Variants in PPP1R10 observed in about 807,000 individuals in gnomAD.
PPP1R10 encodes serine/threonine-protein phosphatase 1 regulatory subunit 10.
Under a neutral mutation model 99.0 loss-of-function variants are expected in PPP1R10, and 15 were observed. That is an observed-to-expected ratio of 0.15 (90% CI 0.10 to 0.23). The LOEUF (loss-of-function observed/expected upper bound fraction) is 0.23. Among genes scored for constraint, PPP1R10 ranks in the 10% least tolerant of loss-of-function variants. PPP1R10 has a pLI of 1.00. For missense variants in PPP1R10, 947 were observed against 1,259.4 expected (o/e 0.75, Z 3.75); for synonymous variants, 430 against 449.5 (o/e 0.96, Z 0.55).
At chr6:30,615,834 C>T (rs574348461) in intron 2 of PPP1R10, among the ~76,000 whole-genome samples, 1 of 152,240 alleles carries the variant, frequency 6.6e-6, no homozygotes, top group Non-Finnish European at 1.5e-5. Flanking sequence ...ATATTTTGTC[C>T]TAAGTGTCTT....
At position 30,601,519 on chromosome 6, in the gene PPP1R10, G is replaced by C. The variant is rs200755736; in HGVS notation, c.*30C>G. 3.8e-6 allele frequency: 6 copies of C among 1,571,162 alleles called. No homozygotes were observed. Among genetic ancestry groups the C allele is most frequent in the East Asian group, 2.2e-5 (1 of 44,636 alleles). ...AAAGAGCGAGGCTGCAGTCCACAGG[G>C]GTTGTGTGAACAGGGCAGGCAAATG... On this transcript the variant is annotated 3_prime_UTR_variant, in exon 20 of 20. Transcript: ENST00000376511.
chr6:30,611,320 A>C (rs1804529858), intron 2 of PPP1R10, among the ~76,000 whole-genome samples: 1 of 152,132 alleles, frequency 6.6e-6, no homozygotes, highest in African/African-American at 2.4e-5. Flanking sequence ...AAAAACAAAC[A>C]AACAAAAAAC....
Position 30,606,436 on chromosome 6 carries a change from T to A in PPP1R10, c.634+32A>T, listed in dbSNP as rs1803955584. Reference sequence around the variant, plus strand: ...AAGGCTCTGGGTGTGCACATGCCCATGAACCCTCCAGAGGCCAGCCGCCAG... The same window carrying A: ...AAGGCTCTGGGTGTGCACATGCCCAAGAACCCTCCAGAGGCCAGCCGCCAG... On this transcript the variant is annotated intron_variant, in intron 8 of 19. Coordinates refer to ENST00000376511, the MANE Select transcript of PPP1R10 (RefSeq NM_002714.4). The surrounding 1 kb of genome is among the most constrained non-coding windows in gnomAD (Gnocchi z 6.3). 4 of 1,610,478 alleles carry A rather than the reference T, an allele frequency of 2.5e-6. No individual in the cohort carries two copies. Among genetic ancestry groups the A allele is most frequent in the Non-Finnish European group, 3.4e-6 (4 of 1,178,764 alleles).
rs544545221 is a variant in PPP1R10 at position 30,603,019 on chromosome 6, C to A, written c.1844-60G>T. The A allele has an allele frequency of 3.5e-6, 5 of 1,445,500 alleles. No individual in the cohort carries two copies. The African/African-American group carries it at 5.7e-5, about 16-fold the overall frequency. The allele number at this position is 1,445,500 out of a possible 1,614,324, so 89.5% of individuals were successfully genotyped here. A position where few individuals can be genotyped will look rare whatever the true frequency, so the allele number is the denominator to read the frequency against. ...ACTCTAGAAGACTAGCATGATCTCC[C>A]ATTTAGGTGCAACCAACTGACCCTC... On this transcript the variant is annotated intron_variant, in intron 17 of 19. Transcript: ENST00000376511.
At chr6:30,615,362 A>C (rs942784434) in intron 2 of PPP1R10, among the ~76,000 whole-genome samples, 19 of 152,246 alleles carry the variant, frequency 1.2e-4, no homozygotes, top group Non-Finnish European at 2.6e-4. Context: ...GCAGGGAAGA[A>C]CTGAATTTGC....
Position 30,609,691 on chromosome 6 carries a change from T to A in PPP1R10, c.107+147A>T. The A allele has an allele frequency of 1.4e-6, 1 of 700,002 alleles. No individual in the cohort carries two copies. Among genetic ancestry groups the A allele is most frequent in the Non-Finnish European group, 2.4e-6 (1 of 409,974 alleles). 43.4% of individuals were successfully genotyped at this position (700,002 alleles called of 1,614,324 possible). Reference sequence around the variant, plus strand: ...AGTGATCATCTTTTCCTATCCCTTATCCTAAAATTGTTACATTTTAATCCT... The same window carrying A: ...AGTGATCATCTTTTCCTATCCCTTAACCTAAAATTGTTACATTTTAATCCT... On this transcript the variant is annotated intron_variant, in intron 3 of 19. Transcript: ENST00000376511. This position sits in a 1 kb window ranked among gnomAD's most constrained non-coding sequence, Gnocchi z 4.5.
chr6:30,608,312 T>C (rs1804175232), intron 5 of PPP1R10, among the ~76,000 whole-genome samples: 1 of 150,488 alleles, frequency 6.6e-6, no homozygotes, highest in Non-Finnish European at 1.5e-5. Context: ...TTTTTTTTTT[T>C]TTTTTTTGAG....
rs1804387057 is a variant in PPP1R10 at position 30,609,969 on chromosome 6, A to T, written c.-11-14T>A. ...TGATGGTGGTTTCTATGGTAAGAGGACAAAACAAACAAACCCACAGAATAA... is the reference window on the plus strand; with the variant it reads ...TGATGGTGGTTTCTATGGTAAGAGGTCAAAACAAACAAACCCACAGAATAA... On this transcript the variant is annotated splice_polypyrimidine_tract_variant and intron_variant, in intron 2 of 19. Coordinates refer to ENST00000376511, the MANE Select transcript of PPP1R10 (RefSeq NM_002714.4). This position sits in a 1 kb window ranked among gnomAD's most constrained non-coding sequence, Gnocchi z 4.5. 6.4e-7 allele frequency: 1 copy of T among 1,558,286 alleles called. No homozygotes were observed. Among genetic ancestry groups the T allele is most frequent in the Non-Finnish European group, 8.9e-7 (1 of 1,129,196 alleles).
Position 30,609,888 on chromosome 6 carries a change from A to T in PPP1R10, c.57T>A (p.Leu19=), listed in dbSNP as rs200405189. ...KELLKGLDSF[L]NRDGEVKSVD... is the part of the protein sequence containing the mutation. Reference sequence around the variant, plus strand: ...CACTTTTGACTTCCCCATCTCGGTTAAGGAAGCTGTCCAGGCCCTTGAGAA... The same window carrying T: ...CACTTTTGACTTCCCCATCTCGGTTTAGGAAGCTGTCCAGGCCCTTGAGAA... Residue 19 remains leucine, a synonymous_variant, in exon 3 of 20, where the codon CTT becomes CTA. Transcript: ENST00000376511. The surrounding 1 kb of genome is among the most constrained non-coding windows in gnomAD (Gnocchi z 4.5). The T allele has an allele frequency of 9.0e-5, 146 of 1,614,162 alleles. No individual in the cohort carries two copies. The highest frequency in any genetic ancestry group is 1.2e-4 in the Non-Finnish European group (143 of 1,180,028).
At position 30,616,753 on chromosome 6, in the gene PPP1R10, G is replaced by T. The variant is rs977095570; in HGVS notation, c.-287C>A. On this transcript the variant is annotated 5_prime_UTR_variant, in exon 2 of 20. Transcript: ENST00000376511. ...AATTTGGGTGGTTTGGGAAGGGAGG[G>T]TGGTTGATTATTTTTGAAGTTATGT... 6.6e-6 allele frequency: 1 copy of T among 152,164 alleles called. No homozygotes were observed. Among genetic ancestry groups the T allele is most frequent in the Admixed American group, 6.5e-5 (1 of 15,276 alleles). 9.4% of individuals were successfully genotyped at this position (152,164 alleles called of 1,614,324 possible). A position where few individuals can be genotyped will look rare whatever the true frequency, so the allele number is the denominator to read the frequency against.
At chr6:30,610,498 T>C (rs1804451344) in intron 2 of PPP1R10, among the ~76,000 whole-genome samples, 1 of 152,208 alleles carries the variant, frequency 6.6e-6, no homozygotes, top group Non-Finnish European at 1.5e-5. Context: ...TGGCAAGATA[T>C]GTATCAGCTG....
chr6:30,602,774 A>G lies in PPP1R10; in HGVS notation c.1957+72T>C, dbSNP rs967302531. 6.4e-7 allele frequency: 1 copy of G among 1,552,916 alleles called. No individual in the cohort carries two copies. Among genetic ancestry groups the G allele is most frequent in the Admixed American group, 1.9e-5 (1 of 51,538 alleles). The stretch of plus-strand genomic sequence containing the variant: ...CCTAAACCACCACCTCCCACCTTCC[A>G]GTCAATCCTATACTATTATCAGACT... On this transcript the variant is annotated intron_variant, in intron 18 of 19. Coordinates refer to ENST00000376511, the MANE Select transcript of PPP1R10 (RefSeq NM_002714.4). This position sits in a 1 kb window ranked among gnomAD's most constrained non-coding sequence, Gnocchi z 6.7.
intron 2 of PPP1R10, among the ~76,000 whole-genome samples, chr6:30,612,640 T>C (rs1398112579): frequency 6.6e-6 from 1 of 152,200 alleles, no homozygotes; most frequent in Non-Finnish European, 1.5e-5. Flanking sequence ...GTAAGTGGGT[T>C]TTCTCATGAT....
chr6:30,603,471 C>T lies in PPP1R10; in HGVS notation c.1767+1G>A. On this transcript the variant is annotated splice_donor_variant, in intron 16 of 19. Transcript: ENST00000376511. LOFTEE classifies it high-confidence loss of function. ...TGGAAAAGGGGAAGGAGGGTGCGTACCATGATGGAGGTGAGGATCTCTTGG... is the reference window on the plus strand; with the variant it reads ...TGGAAAAGGGGAAGGAGGGTGCGTATCATGATGGAGGTGAGGATCTCTTGG... 2 of 1,608,488 alleles carry T rather than the reference C, an allele frequency of 1.2e-6. No homozygotes were observed. The highest frequency in any genetic ancestry group is 1.7e-6 in the Non-Finnish European group (2 of 1,177,070).
chr6:30,607,857 T>C lies in PPP1R10; in HGVS notation c.365A>G (p.Lys122Arg). The C allele has an allele frequency of 6.2e-7, 1 of 1,613,098 alleles. No homozygotes were observed. Among genetic ancestry groups the C allele is most frequent in the Non-Finnish European group, 8.5e-7 (1 of 1,180,024 alleles). ...NTAKLVKQLS[K>R]SSEDEELRKL... ...CACCCTACCTTCATCCTCACTTGAC[T>C]TGCTCAGCTGCTTCACCAGTTTAGC... Residue 122 changes from lysine (K) to arginine (R), a missense_variant, in exon 6 of 20, where the codon AAG becomes AGG. By Grantham distance (26) the Lys-to-Arg change is conservative (BLOSUM62 2). Coordinates refer to ENST00000376511, the MANE Select transcript of PPP1R10 (RefSeq NM_002714.4).
In PPP1R10 at chr6:30,604,359, C is replaced by G; in HGVS notation, c.1255G>C (p.Glu419Gln). The G allele has an allele frequency of 6.2e-7, 1 of 1,614,184 alleles. No homozygotes were observed. ...GTAGGAAATGACCTCTTACCTCGTT[C>G]AGTTTCATCCAATTCAAAATAGAAA... Reference protein sequence around the residue: ...EYFYFELDETERVNVNKIKDF... With the variant: ...EYFYFELDETQRVNVNKIKDF... Residue 419 changes from glutamate (E) to glutamine (Q), a missense_variant, in exon 13 of 20, where the codon GAA becomes CAA. Physicochemically the swap from Glu to Gln is conservative, Grantham distance 29 (BLOSUM62 2). Around this residue, in one of 10 missense-constraint regions of PPP1R10, gnomAD observed 12 missense variants for 54.7 expected, o/e 0.22. Transcript: ENST00000376511. This position sits in a 1 kb window ranked among gnomAD's most constrained non-coding sequence, Gnocchi z 7.3.
chr6:30,606,268 C>A lies in PPP1R10; in HGVS notation c.635-25G>T. 1 of 1,609,906 alleles carries A rather than the reference C, an allele frequency of 6.2e-7. No homozygotes were observed. The highest frequency in any genetic ancestry group is 1.1e-5 in the South Asian group (1 of 90,976). ...CCTGGGGAAAGAAGCACGGTGTGGG[C>A]AGCTGAACTCAAACCCCAGACCCCC... is the stretch of plus-strand genomic sequence containing the variant. On this transcript the variant is annotated intron_variant, in intron 8 of 19. Transcript: ENST00000376511. The surrounding 1 kb of genome is among the most constrained non-coding windows in gnomAD (Gnocchi z 6.3).
At chr6:30,603,930 C>T (rs1003886033) in intron 14 of PPP1R10, 78 bp downstream of exon 14, 6 of 1,522,562 alleles carry the variant, frequency 3.9e-6, no homozygotes, top group Admixed American at 2.2e-5. Context: ...ACCTCCACCC[C>T]GTAATTACCC....
At position 30,601,577 on chromosome 6, in the gene PPP1R10, G is replaced by A. The variant is rs1803319276; in HGVS notation, c.2795C>T (p.Pro932Leu). The A allele has an allele frequency of 1.2e-6, 2 of 1,613,996 alleles. No individual in the cohort carries two copies. The highest frequency in any genetic ancestry group is 1.7e-6 in the Non-Finnish European group (2 of 1,180,014). Reference sequence around the variant, plus strand: ...GGGCAGGGGGGGCCCATTGACACCCGGGTGGTAGAAGGCACAGTTGTTCTC... The same window carrying A: ...GGGCAGGGGGGGCCCATTGACACCCAGGTGGTAGAAGGCACAGTTGTTCTC... ...RYENNCAFYH[P>L]GVNGPPLP Residue 932 changes from proline to leucine, a missense_variant, in exon 20 of 20, where the codon CCG becomes CTG. Transcript: ENST00000376511.
Sources: gnomAD v4.1 joint callset for allele counts (sites outside exome capture counted in the v4.1 genomes callset) on GRCh38, gnomAD v4.1.1 for gene constraint, gnomAD v4.1.1 regional missense constraint, Gnocchi (gnomAD v3.1) non-coding constraint, MANE v1.5 for transcripts, NCBI Gene and HGNC (gene_info 2026-07-23, HGNC 2026-07-21) for gene names.